The following ITGA11 variants were observed in gnomAD, a reference collection of about 807,000 sequenced individuals.
The protein encoded by ITGA11 is integrin subunit alpha 11.
A neutral mutation model predicts 141.9 loss-of-function variants in ITGA11; 97 were observed. That is an observed-to-expected ratio of 0.68 (90% CI 0.58 to 0.81). The LOEUF (loss-of-function observed/expected upper bound fraction) is 0.81. Among genes scored for constraint, ITGA11 ranks in the 30% least tolerant of loss-of-function variants. The probability of loss-of-function intolerance (pLI) is 0.00; values close to 1 mark genes in which losing one functional copy is unlikely to be tolerated. For missense variants in ITGA11, 1,387 were observed against 1,559.2 expected, an observed-to-expected ratio of 0.89 and a Z score of 1.86; for synonymous variants, 658 against 624.6, an observed-to-expected ratio of 1.05 and a Z score of -0.80.
At chr15:68,350,392 G>T (rs928813162) in intron 9 of ITGA11, among the ~76,000 whole-genome samples, 2 of 151,938 alleles carry the variant, frequency 1.3e-5, no homozygotes, top group African/African-American at 4.8e-5. Flanking sequence ...GTTTTGCCTT[G>T]CTGACCAAAC....
Position 68,364,809 on chromosome 15 carries a change from G to T in ITGA11, c.266-11C>A. On this transcript the variant is annotated splice_polypyrimidine_tract_variant and intron_variant, in intron 3 of 29. Coordinates refer to ENST00000315757, the MANE Select transcript of ITGA11 (RefSeq NM_001004439.2). ...ACAGGGTGACCCTTCCTGGGGTTGG[G>T]GGAGAAGTTCAGCTTGCAGCCCCCT... 6.2e-7 allele frequency: 1 copy of T among 1,612,994 alleles called. No homozygotes were observed. The highest frequency in any genetic ancestry group is 8.5e-7 in the Non-Finnish European group (1 of 1,179,222).
In ITGA11 at chr15:68,311,292, C is replaced by G. The variant is rs574480376; in HGVS notation, c.3085G>C (p.Glu1029Gln). The G allele has an allele frequency of 6.4e-6, 10 of 1,560,652 alleles. No homozygotes were observed. The highest frequency in any genetic ancestry group is 8.7e-6 in the Non-Finnish European group (10 of 1,150,428). The stretch of plus-strand genomic sequence containing the variant: ...CCGGCTCCCAAGGCCATCACCACCT[C>G]GTCCGTGAGGAAGTCCCTCAGCTTC... ...LLKLRDFLTD[E>Q]ANTSCNIWGN... Residue 1029 changes from glutamate to glutamine, a missense_variant and splice_region_variant, in exon 25 of 30, where the codon GAG becomes CAG. Glu to Gln is a conservative substitution (Grantham distance 29, BLOSUM62 2). Coordinates refer to ENST00000315757, the MANE Select transcript of ITGA11 (RefSeq NM_001004439.2).
At chr15:68,410,293 C>T (rs1256608344) in intron 1 of ITGA11, among the ~76,000 whole-genome samples, 1 of 152,182 alleles carries the variant, frequency 6.6e-6, no homozygotes, top group Non-Finnish European at 1.5e-5. Flanking sequence ...GTTGCAGATG[C>T]ACCTGTGTAA....
chr15:68,390,106 G>A (rs756204187), intron 2 of ITGA11, among the ~76,000 whole-genome samples: 1 of 152,220 alleles, frequency 6.6e-6, no homozygotes, highest in Admixed American at 6.5e-5. Flanking sequence ...TTGTGTGTCT[G>A]CGAGTGTTGT....
At position 68,317,247 on chromosome 15, in the gene ITGA11, A is replaced by AAT; in HGVS notation, c.2715+17_2715+18insAT. 6.7e-7 allele frequency: 1 copy of AAT among 1,491,620 alleles called. No individual in the cohort carries two copies. Among genetic ancestry groups the AAT allele is most frequent in the South Asian group, 1.1e-5 (1 of 88,616 alleles). 92.4% of individuals were successfully genotyped at this position (1,491,620 alleles called of 1,614,324 possible). ...AGTGCCCACCCTGACCCTCCCCCAC[A>AAT]TTGTCCCCAGTCTCAACCTTGGCCT... On this transcript the variant is annotated intron_variant, in intron 21 of 29. Transcript: ENST00000315757.
chr15:68,333,978 C>G lies in ITGA11; in HGVS notation c.1426-1500G>C, dbSNP rs568583352. The stretch of plus-strand genomic sequence containing the variant: ...CCCCGCCCCTGCGTCCTCCCCAGAC[C>G]ATCCCCTGCCATCCCTCAAGTCTCA... On this transcript the variant is annotated intron_variant, in intron 12 of 29. Coordinates refer to ENST00000315757, the MANE Select transcript of ITGA11 (RefSeq NM_001004439.2). This position sits in a 1 kb window ranked among gnomAD's most constrained non-coding sequence, Gnocchi z 4.2. 2.0e-5 allele frequency among the ~76,000 whole-genome samples: 3 copies of G among 152,356 alleles called. No homozygotes were observed. The South Asian group carries it at 6.2e-4, about 32-fold the overall frequency.
intron 1 of ITGA11, among the ~76,000 whole-genome samples, chr15:68,423,967 C>T (rs1446518395): frequency 1.3e-5 from 2 of 152,170 alleles, no homozygotes; most frequent in Non-Finnish European, 2.9e-5. Context: ...CTAACCCCTG[C>T]CAACATCTCT....
chr15:68,428,853 G>A (rs1277029622), intron 1 of ITGA11, among the ~76,000 whole-genome samples: 1 of 152,126 alleles, frequency 6.6e-6, no homozygotes, highest in South Asian at 2.1e-4. Flanking sequence ...CAGCCCCGAT[G>A]GTAAACAAAC....
In ITGA11 at chr15:68,364,773, G is replaced by C; in HGVS notation, c.291C>G (p.Ser97=). 2 of 1,613,672 alleles carry C rather than the reference G, an allele frequency of 1.2e-6. No homozygotes were observed. The highest frequency in any genetic ancestry group is 2.2e-5 in the South Asian group (2 of 91,054). ...NLGRVTLSNV[S]ERKDNMRLGL... ...CGAGGCGCATGTTGTCTTTCCGCTC[G>C]GACACGTTGGACAGGGTGACCCTTC... The change falls in exon 4 of 30, where the codon TCC becomes TCG. Residue 97 remains serine, a synonymous_variant. Transcript: ENST00000315757.
At position 68,305,416 on chromosome 15, in the gene ITGA11, G is replaced by A. The variant is rs2140262138; in HGVS notation, c.3382-1531C>T. On this transcript the variant is annotated intron_variant, in intron 28 of 29. Transcript: ENST00000315757. This position sits in a 1 kb window ranked among gnomAD's most constrained non-coding sequence, Gnocchi z 4.6. The stretch of plus-strand genomic sequence containing the variant: ...TTATATTTATGTTTATTGCCTGCCT[G>A]GAATGTCAGCTGTAGGAGAGTGGGG... Among the ~76,000 whole-genome samples, 1 of 152,300 alleles carries A rather than the reference G, an allele frequency of 6.6e-6. No individual in the cohort carries two copies. The highest frequency in any genetic ancestry group is 2.4e-5 in the African/African-American group (1 of 41,556).
At position 68,296,652 on chromosome 15, in the gene ITGA11, A is replaced by C. The variant is rs956341399; in HGVS notation, c.*6407T>G. 5 of 152,004 alleles carry C rather than the reference A, an allele frequency of 3.3e-5. No homozygotes were observed. Among genetic ancestry groups the C allele is most frequent in the African/African-American group, 1.2e-4 (5 of 41,388 alleles). The allele number at this position is 152,004 out of a possible 1,614,324, so 9.4% of individuals were successfully genotyped here. ...TTCTACTTGTTAGAAGTTCCTTAGA[A>C]GTTTGAGGACATTTTCTCTGTCATG... On this transcript the variant is annotated 3_prime_UTR_variant, in exon 30 of 30. Transcript: ENST00000315757.
chr15:68,306,944 T>C (rs1893219624), intron 28 of ITGA11, among the ~76,000 whole-genome samples: 1 of 152,234 alleles, frequency 6.6e-6, no homozygotes, highest in Non-Finnish European at 1.5e-5. Context: ...TTTTCTTCCT[T>C]TGCCACTTCT....
intron 1 of ITGA11, among the ~76,000 whole-genome samples, chr15:68,431,383 C>CG (rs2140450519): frequency 6.6e-6 from 1 of 152,326 alleles, no homozygotes; most frequent in South Asian, 2.1e-4. Flanking sequence ...GGTAACGTTT[C>CG]GGGGGTCCTG....
chr15:68,361,808 TTCTA>T (rs1222628340), intron 4 of ITGA11, 104 bp from the exon 5 acceptor site: 2 of 740,414 alleles, frequency 2.7e-6, no homozygotes, highest in South Asian at 1.7e-5. Context: ...CAAGACAGAC[TTCTA>T]TCTGAGGGGT....
intron 2 of ITGA11, among the ~76,000 whole-genome samples, chr15:68,386,692 C>T (rs1011627426): frequency 1.3e-5 from 2 of 152,204 alleles, no homozygotes; most frequent in African/African-American, 2.4e-5. Flanking sequence ...ACCAGGATCC[C>T]CTTTCTCCTT....
chr15:68,343,610 G>A (rs1004283349), intron 10 of ITGA11, among the ~76,000 whole-genome samples: 7 of 152,108 alleles, frequency 4.6e-5, no homozygotes, highest in African/African-American at 1.4e-4. Flanking sequence ...GGAGGTAGTC[G>A]CTGGTGGTGC....
intron 22 of ITGA11, 77 bp downstream of exon 22, chr15:68,315,574 G>T: frequency 8.3e-7 from 1 of 1,210,066 alleles, no homozygotes; most frequent in Non-Finnish European, 1.2e-6. Context: ...AGTGTCGGGA[G>T]GAGCAGTTGC....
At chr15:68,391,593 A>C (rs1055751704) in intron 2 of ITGA11, among the ~76,000 whole-genome samples, 1 of 152,210 alleles carries the variant, frequency 6.6e-6, no homozygotes, top group African/African-American at 2.4e-5. Context: ...AGTGACTCCA[A>C]CAAAAAGTGG....
chr15:68,316,499 T>C (rs73429851), intron 21 of ITGA11, among the ~76,000 whole-genome samples: 9,676 of 152,282 alleles, frequency 0.064, 613 homozygotes, highest in African/African-American at 0.17. Context: ...GGCTATGTCC[T>C]GCTCCATCCC....
Sources: allele counts gnomAD v4.1 joint callset (sites outside exome capture counted in the v4.1 genomes callset), GRCh38; gene constraint gnomAD v4.1.1; non-coding constraint Gnocchi (gnomAD v3.1); transcripts MANE v1.5; gene names NCBI Gene and HGNC (gene_info 2026-07-23, HGNC 2026-07-21).